The following CSMD3 variants were observed in gnomAD, a reference collection of about 807,000 sequenced individuals.
The protein encoded by CSMD3 is CUB and sushi domain-containing protein 3.
CSMD3 carries 177 observed loss-of-function variants against 435.2 expected under a neutral mutation model. The ratio of observed to expected loss-of-function variants is 0.41; its 90% CI spans 0.36 to 0.46. The LOEUF (loss-of-function observed/expected upper bound fraction) is 0.46, where lower values mean the gene tolerates loss of function less well. CSMD3 is among the 20% of genes least tolerant of loss of function. The pLI is 0.34. For missense variants in CSMD3, 4,265 were observed against 4,504.6 expected (o/e 0.95, Z 1.52); for synonymous variants, 1,656 against 1,520.5 (o/e 1.09, Z -2.07).
chr8:112,996,161 T>G (rs536273095), intron 6 of CSMD3, among the ~76,000 whole-genome samples: 7 of 151,542 alleles, frequency 4.6e-5, no homozygotes, highest in South Asian at 2.1e-4. Flanking sequence ...ATGTAATACA[T>G]AGATTATCTC....
chr8:113,320,267 TC>T (rs1022729848), intron 1 of CSMD3, among the ~76,000 whole-genome samples: 2 of 152,066 alleles, frequency 1.3e-5, no homozygotes, highest in Non-Finnish European at 2.9e-5. Context: ...TCAGACCTTA[TC>T]TTTTAATGTG....
intron 6 of CSMD3, among the ~76,000 whole-genome samples, chr8:113,009,940 C>T (rs2086196703): frequency 6.6e-6 from 1 of 151,584 alleles, no homozygotes; most frequent in Non-Finnish European, 1.5e-5. Flanking sequence ...CATACAGTAG[C>T]AATGAATAGA....
intron 27 of CSMD3, among the ~76,000 whole-genome samples, chr8:112,534,266 TA>T (rs1424332989): frequency 6.6e-6 from 1 of 151,984 alleles, no homozygotes; most frequent in Non-Finnish European, 1.5e-5. Flanking sequence ...ACAAAATTGA[TA>T]GACCACTAGC....
At chr8:112,562,357 TAAA>T (rs1828702575) in intron 24 of CSMD3, among the ~76,000 whole-genome samples, 1 of 151,622 alleles carries the variant, frequency 6.6e-6, no homozygotes, top group African/African-American at 2.4e-5. Context: ...TTAAGTAACT[TAAA>T]AAGACTCTTA....
At chr8:112,596,902 C>T (rs1831781640) in intron 22 of CSMD3, among the ~76,000 whole-genome samples, 3 of 151,324 alleles carry the variant, frequency 2.0e-5, no homozygotes, top group African/African-American at 4.8e-5. Context: ...TAAATGCCCA[C>T]AAGAGAAAGC....
intron 30 of CSMD3, 71 bp from the exon 31 acceptor site, chr8:112,492,754 G>T (rs2130855691): frequency 8.2e-7 from 1 of 1,225,840 alleles, no homozygotes. Flanking sequence ...CATGGGTTCT[G>T]CATCTGTGGA....
At chr8:112,313,849 C>G in intron 49 of CSMD3, 57 bp downstream of exon 49, 1 of 1,376,320 alleles carries the variant, frequency 7.3e-7, no homozygotes, top group Non-Finnish European at 1.0e-6. Flanking sequence ...GCTCCTTAAT[C>G]ATAATCATAC....
intron 2 of CSMD3, among the ~76,000 whole-genome samples, chr8:113,289,560 G>C (rs201075035): frequency 4.8e-5 from 3 of 62,180 alleles, no homozygotes; most frequent in Admixed American, 2.8e-4. Context: ...GAGACAGAGA[G>C]AGAGAGAGAG....
chr8:113,238,198 A>C (rs2132227877), intron 3 of CSMD3, among the ~76,000 whole-genome samples: 1 of 152,234 alleles, frequency 6.6e-6, no homozygotes, highest in East Asian at 1.9e-4. Flanking sequence ...GTAAGAATGA[A>C]AAGCTACATC....
intron 3 of CSMD3, among the ~76,000 whole-genome samples, chr8:113,271,496 C>A (rs1420355526): frequency 1.3e-5 from 2 of 152,160 alleles, no homozygotes; most frequent in African/African-American, 4.8e-5. Flanking sequence ...TCAGAGGGTG[C>A]AAGCCCCAAA....
chr8:112,957,840 G>A (rs1410898705), intron 7 of CSMD3, among the ~76,000 whole-genome samples: 1 of 152,198 alleles, frequency 6.6e-6, no homozygotes, highest in Non-Finnish European at 1.5e-5. Context: ...CCGCCTCCCA[G>A]GATCAAGCGA....
chr8:113,033,625 A>T (rs2087218460), intron 5 of CSMD3, among the ~76,000 whole-genome samples: 1 of 137,604 alleles, frequency 7.3e-6, no homozygotes, highest in Non-Finnish European at 1.5e-5. Context: ...TTACAGGCTG[A>T]TATGTGGAAG....
intron 22 of CSMD3, among the ~76,000 whole-genome samples, chr8:112,598,856 A>T (rs1229914857): frequency 6.6e-6 from 1 of 152,232 alleles, no homozygotes; most frequent in Admixed American, 6.5e-5. Flanking sequence ...TACACCTTAT[A>T]CAAAAATCAA....
At chr8:113,054,367 G>A (rs1329995217) in intron 5 of CSMD3, among the ~76,000 whole-genome samples, 3 of 151,916 alleles carry the variant, frequency 2.0e-5, no homozygotes, top group Non-Finnish European at 4.4e-5. Context: ...AAAACTACTG[G>A]GAGATACGTG....
intron 27 of CSMD3, among the ~76,000 whole-genome samples, chr8:112,543,541 T>C (rs544051845): frequency 3.9e-5 from 6 of 152,210 alleles, no homozygotes; most frequent in Non-Finnish European, 8.8e-5. Context: ...AATATATTAC[T>C]TCATACCTGT....
intron 13 of CSMD3, among the ~76,000 whole-genome samples, chr8:112,755,474 TG>T (rs1467430115): frequency 6.6e-6 from 1 of 151,594 alleles, no homozygotes; most frequent in African/African-American, 2.4e-5. Context: ...CACTTCTCCT[TG>T]CTGCCGCCAT....
At position 112,867,697 on chromosome 8, in the gene CSMD3, A is replaced by T. The variant is rs2081022912; in HGVS notation, c.1634-8431T>A. ...AACATATCTAAACAAAGAAAAGGTA[A>T]AAATATCATACAAAAAAATTAAAAA... On this transcript the variant is annotated intron_variant, in intron 10 of 70. Coordinates refer to ENST00000297405, the MANE Select transcript of CSMD3 (RefSeq NM_198123.2). Among the ~76,000 whole-genome samples, 4 of 152,136 alleles carry T rather than the reference A, an allele frequency of 2.6e-5. No individual in the cohort carries two copies. In the South Asian group the frequency reaches 8.3e-4, roughly 31 times the overall value.
intron 1 of CSMD3, among the ~76,000 whole-genome samples, chr8:113,431,127 A>T (rs1165439970): frequency 2.0e-5 from 3 of 152,182 alleles, no homozygotes; most frequent in Non-Finnish European, 4.4e-5. Flanking sequence ...AGGTAGGTAT[A>T]CCTGGAAATA....
chr8:113,365,546 AT>A (rs2094305578), intron 1 of CSMD3, among the ~76,000 whole-genome samples: 1 of 152,074 alleles, frequency 6.6e-6, no homozygotes, highest in African/African-American at 2.4e-5. Context: ...TCACAAAAAA[AT>A]GATGTCTTAT....
Sources: allele counts gnomAD v4.1 joint callset (sites outside exome capture counted in the v4.1 genomes callset), GRCh38; gene constraint gnomAD v4.1.1; transcripts MANE v1.5; gene names NCBI Gene and HGNC (gene_info 2026-07-23, HGNC 2026-07-21).